The following EFCAB5 variants were observed in gnomAD, a reference collection of about 807,000 sequenced individuals.
The protein encoded by EFCAB5 is EF-hand calcium-binding domain-containing protein 5.
EFCAB5 carries 131 observed loss-of-function variants against 167.9 expected under a neutral mutation model. The ratio of observed to expected loss-of-function variants is 0.78; its 90% confidence interval spans 0.68 to 0.90. The LOEUF is 0.90. Ranked by LOEUF, EFCAB5 falls within the 40% of genes least tolerant of loss-of-function variation. The pLI is 0.00. For synonymous variants in EFCAB5, 574 were observed against 602.8 expected (o/e 0.95, Z 0.70); for missense variants, 1,663 against 1,745.2 (o/e 0.95, Z 0.84).
chr17:29,936,312 C>T (rs1394583687), intron 1 of EFCAB5, among the ~76,000 whole-genome samples: 2 of 150,292 alleles, frequency 1.3e-5, no homozygotes, highest in Non-Finnish European at 3.0e-5. Context: ...GTCGTGGGGT[C>T]GGGGGAGAGG....
At chr17:30,058,009 C>T in intron 13 of EFCAB5, 119 bp downstream of exon 13, 2 of 845,172 alleles carry the variant, frequency 2.4e-6, no homozygotes, top group South Asian at 3.7e-5. Context: ...TGATCACTTT[C>T]TTTCAACAAG....
intron 7 of EFCAB5, among the ~76,000 whole-genome samples, chr17:30,023,907 A>G (rs2069247691): frequency 6.6e-6 from 1 of 152,208 alleles, no homozygotes; most frequent in African/African-American, 2.4e-5. Context: ...AATCCAGCAT[A>G]TAAACAGAAC....
In EFCAB5 at chr17:30,055,159, G is replaced by C. The variant is rs148682315; in HGVS notation, c.2195-729G>C. On this transcript the variant is annotated intron_variant, in intron 10 of 22. Transcript: ENST00000394835. ...AAAAAAAAATTAGCTGGCCATGGTG[G>C]CATGCAATTGTAGTCTCGGCTACGC... 2.3e-3 allele frequency among the ~76,000 whole-genome samples: 346 copies of C among 152,240 alleles called. 1 individual carries two copies. Among genetic ancestry groups the C allele is most frequent in the African/African-American group, 8.0e-3 (332 of 41,548 alleles).
intron 7 of EFCAB5, among the ~76,000 whole-genome samples, chr17:30,033,604 T>C (rs966750473): frequency 1.3e-5 from 2 of 152,188 alleles, no homozygotes; most frequent in Non-Finnish European, 2.9e-5. Flanking sequence ...GCAAGCCCCA[T>C]GTCAAACCTA....
chr17:29,943,477 T>C lies in EFCAB5; in HGVS notation c.106-88T>C, dbSNP rs1189363116. Reference sequence around the variant, plus strand: ...TGTTTGGTTAACTCTTACAAAGCAATTAACTTTCCTTTAATTGGAATAATT... The same window carrying C: ...TGTTTGGTTAACTCTTACAAAGCAACTAACTTTCCTTTAATTGGAATAATT... On this transcript the variant is annotated intron_variant, in intron 2 of 22. Coordinates refer to ENST00000394835, the MANE Select transcript of EFCAB5 (RefSeq NM_198529.4). 3 of 1,184,718 alleles carry C rather than the reference T, an allele frequency of 2.5e-6. No individual in the cohort carries two copies. In the Admixed American group the frequency reaches 7.0e-5, roughly 28 times the overall value. The allele number at this position is 1,184,718 out of a possible 1,614,324, so 73.4% of individuals were successfully genotyped here. A position where few individuals can be genotyped will look rare whatever the true frequency, so the allele number is the denominator to read the frequency against.
chr17:30,087,093 G>A lies in EFCAB5; in HGVS notation c.3610G>A (p.Val1204Ile). ...DSDYVLRNMM[V>I]TGQLGLTEIH... ...AGACTATGTTTTACGCAACATGATGGTTACAGGGCAGCTGGGTCTAACAGA... is the reference window on the plus strand; with the variant it reads ...AGACTATGTTTTACGCAACATGATGATTACAGGGCAGCTGGGTCTAACAGA... The change falls in exon 19 of 23, where the codon GTT becomes ATT. Residue 1204 changes from valine (V) to isoleucine (I), a missense_variant. Val to Ile is a conservative substitution (Grantham distance 29, BLOSUM62 3). Transcript: ENST00000394835. 3 of 1,613,416 alleles carry A rather than the reference G, an allele frequency of 1.9e-6. No individual in the cohort carries two copies. The highest frequency in any genetic ancestry group is 2.5e-6 in the Non-Finnish European group (3 of 1,179,616).
chr17:30,036,110 A>G (rs902033675), intron 8 of EFCAB5, among the ~76,000 whole-genome samples: 2 of 143,628 alleles, frequency 1.4e-5, no homozygotes, highest in African/African-American at 5.1e-5. Context: ...ATACATATTT[A>G]ATATATAAAT....
rs2151643511 is a variant in EFCAB5, at chr17:29,996,305, G to T, written c.925-7G>T. 1.3e-6 allele frequency: 2 copies of T among 1,549,094 alleles called. No homozygotes were observed. Among genetic ancestry groups the T allele is most frequent in the East Asian group, 2.4e-5 (1 of 40,982 alleles). ...TTTCTTTCTTTTTTTCCTCTTTTGA[G>T]TTGCAGATTCAGAATGTTCTTCAAG... On this transcript the variant is annotated splice_polypyrimidine_tract_variant and splice_region_variant and intron_variant, in intron 5 of 22. Transcript: ENST00000394835.
chr17:30,099,599 G>T (rs912851196), intron 22 of EFCAB5, among the ~76,000 whole-genome samples: 2 of 152,092 alleles, frequency 1.3e-5, no homozygotes, highest in African/African-American at 4.8e-5. Flanking sequence ...TTCATCCATC[G>T]ATCTGGATAC....
chr17:30,009,023 T>C (rs1225232863), intron 7 of EFCAB5, among the ~76,000 whole-genome samples: 2 of 152,164 alleles, frequency 1.3e-5, no homozygotes, highest in African/African-American at 2.4e-5. Context: ...GCATCACCAG[T>C]CCCTGTCTTT....
chr17:29,951,511 GTATTTTTTTTTT>G (rs1477868067), intron 3 of EFCAB5, among the ~76,000 whole-genome samples: 42 of 113,292 alleles, frequency 3.7e-4, no homozygotes, highest in African/African-American at 1.1e-3. Flanking sequence ...CTAATTTTTT[GTATTTTTTTTTT>G]TATTTTTTTT....
In EFCAB5 at chr17:29,969,371, C is replaced by T. The variant is rs750969836; in HGVS notation, c.767+4C>T. ...TTCCTGACACTATCTGCAACAGGTA[C>T]AATCTGTTATAGTTTCAGTTCATGA... On this transcript the variant is annotated splice_donor_region_variant and intron_variant, in intron 4 of 22. Coordinates refer to ENST00000394835, the MANE Select transcript of EFCAB5 (RefSeq NM_198529.4). 5.1e-6 allele frequency: 8 copies of T among 1,562,880 alleles called. No homozygotes were observed. In the East Asian group the frequency reaches 1.8e-4, roughly 35 times the overall value.
At chr17:30,091,785 A>G (rs1038539247) in intron 20 of EFCAB5, 86 bp from the exon 21 acceptor site, 1 of 1,431,430 alleles carries the variant, frequency 7.0e-7, no homozygotes, top group South Asian at 1.4e-5. Flanking sequence ...ATTTACTATA[A>G]TATGTTCAGA....
intron 10 of EFCAB5, 142 bp from the exon 11 acceptor site, chr17:30,055,746 G>A (rs1381195326): frequency 1.0e-5 from 8 of 775,070 alleles, no homozygotes; most frequent in Non-Finnish European, 1.2e-5. Context: ...CACTGTGGTC[G>A]ATTGCAACAC....
intron 14 of EFCAB5, chr17:30,069,718 A>T: frequency 9.7e-7 from 1 of 1,025,826 alleles, no homozygotes; most frequent in Non-Finnish European, 1.5e-6. Context: ...AGTCTCATGT[A>T]CCCCCGGTGC....
At chr17:30,085,657 T>C (rs1209318242) in intron 18 of EFCAB5, among the ~76,000 whole-genome samples, 2 of 150,876 alleles carry the variant, frequency 1.3e-5, no homozygotes, top group Non-Finnish European at 2.9e-5. Context: ...GAGGCAGAGC[T>C]TGCACTGAGC....
intron 8 of EFCAB5, among the ~76,000 whole-genome samples, chr17:30,050,638 A>G (rs2070065258): frequency 6.6e-6 from 1 of 152,162 alleles, no homozygotes. Context: ...CTGTGTTGCT[A>G]TATCAGGCTT....
chr17:30,030,751 G>A (rs1002125331), intron 7 of EFCAB5, among the ~76,000 whole-genome samples: 3 of 151,560 alleles, frequency 2.0e-5, no homozygotes, highest in Non-Finnish European at 2.9e-5. Flanking sequence ...TTGAACTACT[G>A]GGTTCAAGTG....
chr17:30,015,103 C>A (rs957709323), intron 7 of EFCAB5, among the ~76,000 whole-genome samples: 9 of 152,166 alleles, frequency 5.9e-5, no homozygotes, highest in South Asian at 4.1e-4. Context: ...AAATTCTTTT[C>A]TTTAAGAATG....
Sources: gnomAD v4.1 joint callset for allele counts (sites outside exome capture counted in the v4.1 genomes callset) on GRCh38, gnomAD v4.1.1 for gene constraint, MANE v1.5 for transcripts, NCBI Gene and HGNC (gene_info 2026-07-23, HGNC 2026-07-21) for gene names.